The following SEMA6D variants were observed in gnomAD, a reference collection of about 807,000 sequenced individuals.
SEMA6D encodes semaphorin-6D.
Under a neutral mutation model 106.6 loss-of-function variants are expected in SEMA6D, and 35 were observed. The observed-to-expected ratio is 0.33, with a 90% CI of 0.25 to 0.44. The LOEUF (loss-of-function observed/expected upper bound fraction) is 0.44. Ranked by LOEUF, SEMA6D falls within the 20% of genes least tolerant of loss-of-function variation. The pLI is 1.00. For synonymous variants in SEMA6D, 499 were observed against 487.7 expected (o/e 1.02, Z -0.31); for missense variants, 1,185 against 1,345.9 (o/e 0.88, Z 1.87).
intron 1 of SEMA6D, among the ~76,000 whole-genome samples, chr15:47,189,264 A>G (rs1893792859): frequency 6.6e-6 from 1 of 152,050 alleles, no homozygotes; most frequent in Non-Finnish European, 1.5e-5. Flanking sequence ...GACAATTCCC[A>G]TGGCAAGCTA....
At chr15:47,225,782 G>A (rs1488864963) in intron 1 of SEMA6D, among the ~76,000 whole-genome samples, 1 of 151,932 alleles carries the variant, frequency 6.6e-6, no homozygotes, top group East Asian at 1.9e-4. Context: ...CGCCCACCAT[G>A]GCCTCCCAAA....
At chr15:47,580,342 A>G (rs2076234235) in intron 3 of SEMA6D, among the ~76,000 whole-genome samples, 1 of 152,198 alleles carries the variant, frequency 6.6e-6, no homozygotes, top group African/African-American at 2.4e-5. Context: ...CGAACTCTGC[A>G]AAGCAATCGA....
At chr15:47,214,886 C>T (rs1388249168) in intron 1 of SEMA6D, among the ~76,000 whole-genome samples, 1 of 152,064 alleles carries the variant, frequency 6.6e-6, no homozygotes, top group African/African-American at 2.4e-5. Context: ...GAACTTCTTA[C>T]TGTTGGAGAA....
At chr15:47,368,480 A>ATTTT (rs35557088) in intron 1 of SEMA6D, among the ~76,000 whole-genome samples, 9 of 149,060 alleles carry the variant, frequency 6.0e-5, no homozygotes, top group East Asian at 3.9e-4. Flanking sequence ...TTATTTATTT[A>ATTTT]TTTTTTTTGA....
intron 3 of SEMA6D, among the ~76,000 whole-genome samples, chr15:47,594,623 T>C (rs1179700773): frequency 6.6e-6 from 1 of 152,200 alleles, no homozygotes; most frequent in Admixed American, 6.5e-5. Context: ...AGGCATTGAA[T>C]GTTTATTAAG....
chr15:47,545,908 A>G (rs897089609), intron 3 of SEMA6D, among the ~76,000 whole-genome samples: 1 of 152,054 alleles, frequency 6.6e-6, no homozygotes, highest in Admixed American at 6.6e-5. Flanking sequence ...GCAACAGTCT[A>G]GGCTACATGA....
intron 1 of SEMA6D, among the ~76,000 whole-genome samples, chr15:47,276,199 A>G (rs2034804816): frequency 6.6e-6 from 1 of 152,176 alleles, no homozygotes; most frequent in South Asian, 2.1e-4. Flanking sequence ...ATAAAATGTC[A>G]AAGTGAAGCA....
At chr15:47,650,718 A>G (rs1234072480) in intron 4 of SEMA6D, among the ~76,000 whole-genome samples, 1 of 152,220 alleles carries the variant, frequency 6.6e-6, no homozygotes, top group African/African-American at 2.4e-5. Context: ...AGATGAAGCA[A>G]TTCACGAAAA....
intron 4 of SEMA6D, among the ~76,000 whole-genome samples, chr15:47,623,134 A>T (rs1214357338): frequency 2.0e-5 from 3 of 152,140 alleles, no homozygotes; most frequent in Non-Finnish European, 2.9e-5. Flanking sequence ...TGAAAGGCAT[A>T]AGTAGCTTTA....
intron 2 of SEMA6D, among the ~76,000 whole-genome samples, chr15:47,440,509 A>AC (rs1278281180): frequency 6.6e-6 from 1 of 152,050 alleles, no homozygotes; most frequent in African/African-American, 2.4e-5. Flanking sequence ...CTGGAAAGGA[A>AC]CAGAGCCCTG....
chr15:47,667,138 G>T (rs1227820166), intron 4 of SEMA6D, among the ~76,000 whole-genome samples: 1 of 152,110 alleles, frequency 6.6e-6, no homozygotes, highest in Non-Finnish European at 1.5e-5. Context: ...AGCCCCTTCT[G>T]CCATGGCCTT....
intron 3 of SEMA6D, among the ~76,000 whole-genome samples, chr15:47,591,217 TTATTA>T (rs1333514336): frequency 5.9e-5 from 9 of 152,136 alleles, no homozygotes; most frequent in African/African-American, 1.9e-4. Flanking sequence ...TCTTGTTCTT[TTATTA>T]TATCAGGGCA....
intron 2 of SEMA6D, among the ~76,000 whole-genome samples, chr15:47,433,235 CAT>C (rs2041595596): frequency 6.6e-6 from 1 of 151,984 alleles, no homozygotes; most frequent in Non-Finnish European, 1.5e-5. Flanking sequence ...ACAACGCAAA[CAT>C]AAACTTGAAT....
At chr15:47,250,050 A>G (rs2033423400) in intron 1 of SEMA6D, among the ~76,000 whole-genome samples, 1 of 152,240 alleles carries the variant, frequency 6.6e-6, no homozygotes, top group Non-Finnish European at 1.5e-5. Context: ...TGACCAGGTC[A>G]TGGATCCTGT....
intron 1 of SEMA6D, among the ~76,000 whole-genome samples, chr15:47,301,006 A>T (rs909938586): frequency 6.6e-6 from 1 of 152,224 alleles, no homozygotes; most frequent in African/African-American, 2.4e-5. Context: ...TCCTCCATGG[A>T]AAAATTATAT....
chr15:47,448,477 G>T (rs1023464415), intron 2 of SEMA6D, among the ~76,000 whole-genome samples: 1 of 152,086 alleles, frequency 6.6e-6, no homozygotes, highest in African/African-American at 2.4e-5. Flanking sequence ...TTAGACCTTG[G>T]AGGAATAATG....
At chr15:47,518,401 T>G (rs2044458473) in intron 3 of SEMA6D, among the ~76,000 whole-genome samples, 1 of 152,172 alleles carries the variant, frequency 6.6e-6, no homozygotes, top group African/African-American at 2.4e-5. Flanking sequence ...AATTGAACAG[T>G]GATGCATCAT....
intron 2 of SEMA6D, among the ~76,000 whole-genome samples, chr15:47,447,404 T>G (rs999612055): frequency 6.6e-6 from 1 of 152,026 alleles, no homozygotes; most frequent in African/African-American, 2.4e-5. Flanking sequence ...GGCCAATGAT[T>G]TAATCAATCA....
At chr15:47,599,129 T>C (rs2076593863) in intron 3 of SEMA6D, among the ~76,000 whole-genome samples, 1 of 152,108 alleles carries the variant, frequency 6.6e-6, no homozygotes, top group Non-Finnish European at 1.5e-5. Context: ...TCTGCATTGT[T>C]AATAAACTCC....
Sources: allele counts gnomAD v4.1 joint callset (sites outside exome capture counted in the v4.1 genomes callset), GRCh38; gene constraint gnomAD v4.1.1; transcripts MANE v1.5; gene names NCBI Gene and HGNC (gene_info 2026-07-23, HGNC 2026-07-21).